NLGN1: variants seen among roughly 807,000 people sequenced by gnomAD.
The protein encoded by NLGN1 is neuroligin 1.
A neutral mutation model predicts 65.5 loss-of-function variants in NLGN1; 12 were observed. The observed-to-expected ratio is 0.18, with a 90% CI of 0.12 to 0.30. The LOEUF (loss-of-function observed/expected upper bound fraction) is 0.30. NLGN1 is among the 10% of genes least tolerant of loss of function. The pLI is 1.00. For synonymous variants in NLGN1, 350 were observed against 359.5 expected, an observed-to-expected ratio of 0.97 and a Z score of 0.30; for missense variants, 750 against 1,007.1, an observed-to-expected ratio of 0.74 and a Z score of 3.46.
At chr3:174,254,306 ATTTTTTTTTTT>A (rs371427726) in intron 4 of NLGN1, among the ~76,000 whole-genome samples, 33 of 113,776 alleles carry the variant, frequency 2.9e-4, no homozygotes, top group African/African-American at 1.0e-3. Flanking sequence ...GTCCTTTTTA[ATTTTTTTTTTT>A]TTTTTTTTTT....
chr3:173,642,016 C>G (rs1757497489), intron 3 of NLGN1, among the ~76,000 whole-genome samples: 1 of 110,176 alleles, frequency 9.1e-6, no homozygotes, highest in Admixed American at 8.6e-5. Context: ...GTGGACTGCT[C>G]TCTCTCTCTC....
intron 2 of NLGN1, among the ~76,000 whole-genome samples, chr3:173,526,964 T>C (rs1341540678): frequency 6.6e-6 from 1 of 152,234 alleles, no homozygotes. Flanking sequence ...CCATTGTGTA[T>C]ATGTACCACA....
At chr3:173,600,487 A>G (rs1285364965) in intron 2 of NLGN1, among the ~76,000 whole-genome samples, 1 of 152,014 alleles carries the variant, frequency 6.6e-6, no homozygotes, top group African/African-American at 2.4e-5. Context: ...ACACATATGC[A>G]AAGTCTTGCC....
chr3:173,986,179 G>A (rs888496036), intron 4 of NLGN1, among the ~76,000 whole-genome samples: 5 of 151,774 alleles, frequency 3.3e-5, no homozygotes, highest in African/African-American at 1.2e-4. Flanking sequence ...TAAAAAAGGG[G>A]AAATTTGGGC....
intron 3 of NLGN1, among the ~76,000 whole-genome samples, chr3:173,675,620 A>G (rs1473329199): frequency 6.6e-6 from 1 of 152,090 alleles, no homozygotes; most frequent in Non-Finnish European, 1.5e-5. Context: ...ATTAACTATC[A>G]GTTATCGATG....
intron 4 of NLGN1, among the ~76,000 whole-genome samples, chr3:174,174,382 T>C (rs1454212014): frequency 2.0e-5 from 3 of 152,100 alleles, no homozygotes; most frequent in Non-Finnish European, 4.4e-5. Context: ...CTTTTAGTTG[T>C]TTAAGGAAAC....
chr3:174,088,348 G>A lies in NLGN1; in HGVS notation c.647-186967G>A, dbSNP rs144554961. ...GGCCTTTGGAGAACATTCAAATGAA[G>A]GACATGTTACAAGTTCCCATTTTAC... On this transcript the variant is annotated intron_variant, in intron 4 of 6. Transcript: ENST00000457714. Among the ~76,000 whole-genome samples, 159 of 152,270 alleles carry A rather than the reference G, an allele frequency of 1.0e-3. 2 individuals are homozygous for A. The Middle Eastern group carries it at 0.014, about 13-fold the overall frequency.
chr3:173,838,034 G>A (rs1723998960), intron 4 of NLGN1, among the ~76,000 whole-genome samples: 1 of 152,094 alleles, frequency 6.6e-6, no homozygotes, highest in Non-Finnish European at 1.5e-5. Context: ...TTGTAGAATA[G>A]GAAACAGTGT....
chr3:173,776,066 A>G (rs1263746670), intron 3 of NLGN1, among the ~76,000 whole-genome samples: 3 of 152,028 alleles, frequency 2.0e-5, no homozygotes, highest in Admixed American at 2.0e-4. Context: ...TCTTTCCTTC[A>G]TCTTTTTACT....
At chr3:173,519,982 C>A (rs1734490909) in intron 2 of NLGN1, among the ~76,000 whole-genome samples, 1 of 152,124 alleles carries the variant, frequency 6.6e-6, no homozygotes, top group African/African-American at 2.4e-5. Context: ...ACGGAGTTAT[C>A]ATGAATGGTT....
chr3:173,674,497 T>G (rs1224168499), intron 3 of NLGN1, among the ~76,000 whole-genome samples: 1 of 152,134 alleles, frequency 6.6e-6, no homozygotes, highest in Non-Finnish European at 1.5e-5. Context: ...GTATGCTATA[T>G]CTTGGGCTGA....
chr3:174,238,780 T>C (rs1742230747), intron 4 of NLGN1, among the ~76,000 whole-genome samples: 1 of 152,248 alleles, frequency 6.6e-6, no homozygotes, highest in African/African-American at 2.4e-5. Context: ...ATAGTATGTC[T>C]ATATTTGTTT....
intron 3 of NLGN1, among the ~76,000 whole-genome samples, chr3:173,656,911 A>G (rs1338232611): frequency 6.6e-6 from 1 of 152,082 alleles, no homozygotes; most frequent in Non-Finnish European, 1.5e-5. Context: ...GGATTTTACA[A>G]CTGACAAGTT....
intron 3 of NLGN1, among the ~76,000 whole-genome samples, chr3:173,620,760 G>A (rs1269284422): frequency 1.3e-5 from 2 of 152,176 alleles, no homozygotes; most frequent in South Asian, 2.1e-4. Flanking sequence ...CAGAAGTGGG[G>A]CTGGGAAAGA....
intron 4 of NLGN1, among the ~76,000 whole-genome samples, chr3:174,057,292 T>C (rs1736351760): frequency 1.3e-5 from 2 of 151,960 alleles, no homozygotes; most frequent in East Asian, 1.9e-4. Context: ...TCTTGATAAC[T>C]AGATGTGTGA....
At chr3:173,558,224 C>T (rs1742027024) in intron 2 of NLGN1, among the ~76,000 whole-genome samples, 1 of 151,874 alleles carries the variant, frequency 6.6e-6, no homozygotes, top group African/African-American at 2.4e-5. Flanking sequence ...TATTATTTTT[C>T]ACTGCTTGCT....
chr3:173,539,752 A>ATAT (rs1560407260), intron 2 of NLGN1, among the ~76,000 whole-genome samples: 4 of 114,200 alleles, frequency 3.5e-5, no homozygotes, highest in Admixed American at 8.5e-5. Context: ...GTACATATAT[A>ATAT]ACATATACAT....
intron 4 of NLGN1, among the ~76,000 whole-genome samples, chr3:174,004,970 C>T (rs1012564885): frequency 1.3e-5 from 2 of 152,070 alleles, no homozygotes; most frequent in Non-Finnish European, 2.9e-5. Context: ...ATAAAAGCCT[C>T]TAAAGATTAT....
chr3:173,630,502 T>G (rs1416357475), intron 3 of NLGN1, among the ~76,000 whole-genome samples: 1 of 152,152 alleles, frequency 6.6e-6, no homozygotes, highest in East Asian at 1.9e-4. Context: ...GTTCTGCATT[T>G]CCCTAAAAAT....
Sources: gnomAD v4.1 joint callset for allele counts (sites outside exome capture counted in the v4.1 genomes callset) on GRCh38, gnomAD v4.1.1 for gene constraint, MANE v1.5 for transcripts, NCBI Gene and HGNC (gene_info 2026-07-23, HGNC 2026-07-21) for gene names.